Variants in ZNF880 observed in about 807,000 individuals in gnomAD.
ZNF880 encodes the protein zinc finger protein LOC400713.
Under a neutral mutation model 11.8 loss-of-function variants are expected in ZNF880, and 12 were observed. That is an observed-to-expected ratio of 1.02 (90% CI 0.65 to 1.65). The LOEUF is 1.65. ZNF880 is among the 40% of genes most tolerant of loss of function. The probability of loss-of-function intolerance (pLI) is 0.00; values close to 1 mark genes in which losing one functional copy is unlikely to be tolerated. For synonymous variants in ZNF880, 210 were observed against 232.4 expected (o/e 0.90, Z 0.88); for missense variants, 601 against 673.9 (o/e 0.89, Z 1.20).
downstream of ZNF880, among the ~76,000 whole-genome samples, chr19:52,386,897 G>T (rs1403266183): frequency 3.5e-5 from 5 of 143,602 alleles, 2 homozygotes; most frequent in African/African-American, 1.4e-4. Context: ...ATGTTCTTGA[G>T]TAGCATTTAC....
At position 52,385,198 on chromosome 19, in the gene ZNF880, A is replaced by G. The variant is rs1986848379; in HGVS notation, c.1618A>G (p.Arg540Gly). The change falls in exon 4 of 4, where the codon AGA becomes GGA. Residue 540 changes from arginine to glycine, a missense_variant. By Grantham distance (125) the Arg-to-Gly change is moderately radical (BLOSUM62 -2). Around this residue, in one of 3 missense-constraint regions of ZNF880, gnomAD observed 177 missense variants for 214.5 expected, o/e 0.83. Coordinates refer to ENST00000422689, the MANE Select transcript of ZNF880 (RefSeq NM_001145434.2). Reference protein sequence around the residue: ...SHKLYLKKHERIHTGEKPYRC... With the variant: ...SHKLYLKKHEGIHTGEKPYRC... ...CAAGTTATACCTAAAAAAACATGAG[A>G]GAATTCATACTGGGGAGAAACCGTA... The G allele has an allele frequency of 6.4e-7, 1 of 1,552,334 alleles. No individual in the cohort carries two copies.
chr19:52,373,669 A>ATTTTTTTTTTTTTTTTTTTTTTTTTT (rs35788651), intron 2 of ZNF880, among the ~76,000 whole-genome samples: 3 of 102,578 alleles, frequency 2.9e-5, no homozygotes, highest in Non-Finnish European at 5.6e-5. Flanking sequence ...AAATACTGTA[A>ATTTTTTTTTTTTTTTTTTTTTTTTTT]TTTTTTTTTT....
chr19:52,393,089 C>G, the ZNF880 span, among the ~76,000 whole-genome samples: 6 of 127,806 alleles, frequency 4.7e-5, no homozygotes, highest in African/African-American at 1.8e-4. Context: ...TTTTTCTTTT[C>G]TGAGACAGAG....
chr19:52,396,067 G>A, the ZNF880 span, among the ~76,000 whole-genome samples: 1 of 151,256 alleles, frequency 6.6e-6, no homozygotes, highest in Non-Finnish European at 1.5e-5. Flanking sequence ...CAATTCTTGT[G>A]TCTCAGCCTC....
chr19:52,383,459 A>T (rs1459416004), intron 3 of ZNF880, among the ~76,000 whole-genome samples: 2 of 152,196 alleles, frequency 1.3e-5, no homozygotes, highest in East Asian at 3.8e-4. Context: ...TATAAAGGGT[A>T]TAGGAACAGC....
At chr19:52,386,796 C>CT (rs1283512198), downstream of ZNF880, among the ~76,000 whole-genome samples, 2 of 82,300 alleles carry the variant, frequency 2.4e-5, no homozygotes, top group African/African-American at 4.4e-5. Context: ...GAGCAAAACT[C>CT]TGTCTCAAAA....
chr19:52,388,692 A>G (rs1451027993), downstream of ZNF880: 1 of 152,142 alleles, frequency 6.6e-6, no homozygotes, highest in Non-Finnish European at 1.5e-5. Context: ...TGTTTACTAC[A>G]TAAACATTTA....
chr19:52,383,737 C>A, intron 3 of ZNF880, 112 bp from the exon 4 acceptor site: 1 of 1,129,786 alleles, frequency 8.9e-7, no homozygotes, highest in Non-Finnish European at 1.3e-6. Context: ...ACACAGTATG[C>A]TGATATTCCT....
intron 1 of ZNF880, chr19:52,370,482 C>A (rs1417078259): frequency 6.3e-6 from 1 of 158,090 alleles, no homozygotes; most frequent in African/African-American, 2.4e-5. Flanking sequence ...TAATGGCAAA[C>A]CGCGATCACT....
Position 52,384,788 on chromosome 19 carries a change from C to T in ZNF880, c.1208C>T (p.Thr403Met), listed in dbSNP as rs373891575. ...CTAACCAATCATCATAGAATGCACACGGGAGAGCAACCTTACAAATGTAAT... is the reference window on the plus strand; with the variant it reads ...CTAACCAATCATCATAGAATGCACATGGGAGAGCAACCTTACAAATGTAAT... ...FCLTNHHRMH[T>M]GEQPYKCNEC... The change falls in exon 4 of 4, where the codon ACG becomes ATG. Residue 403 changes from threonine (T) to methionine (M), a missense_variant. Coordinates refer to ENST00000422689, the MANE Select transcript of ZNF880 (RefSeq NM_001145434.2). 192 of 1,610,468 alleles carry T rather than the reference C, an allele frequency of 1.2e-4. 1 individual carries two copies. Among genetic ancestry groups the T allele is most frequent in the East Asian group, 1.1e-3 (47 of 44,686 alleles).
upstream of ZNF880, chr19:52,367,448 A>G (rs1417088189): frequency 6.6e-6 from 1 of 152,206 alleles, no homozygotes; most frequent in Non-Finnish European, 1.5e-5. Context: ...TCTTAGTGTG[A>G]ATGAATTACA....
intron 3 of ZNF880, among the ~76,000 whole-genome samples, chr19:52,376,203 A>G (rs922978312): frequency 6.6e-6 from 1 of 152,156 alleles, no homozygotes; most frequent in Non-Finnish European, 1.5e-5. Flanking sequence ...GCTGGATCAA[A>G]TGGTAGATCT....
At chr19:52,369,488 T>C (rs1986283896), upstream of ZNF880, among the ~76,000 whole-genome samples, 1 of 152,078 alleles carries the variant, frequency 6.6e-6, no homozygotes, top group Non-Finnish European at 1.5e-5. Flanking sequence ...AACTAGTGTT[T>C]ATTATTCATT....
upstream of ZNF880, chr19:52,369,886 C>G: frequency 6.5e-7 from 1 of 1,538,442 alleles, no homozygotes; most frequent in Non-Finnish European, 8.8e-7. Context: ...CAATCCCACC[C>G]GGGCCTGGCC....
rs370330395 is a variant in ZNF880 at position 52,383,938 on chromosome 19, C to T, written c.358C>T (p.Gln120Ter). Residue 120 changes from glutamine (Q) to a stop codon, truncating the protein, a stop_gained, in exon 4 of 4, where the codon CAG becomes TAG. Coordinates refer to ENST00000422689, the MANE Select transcript of ZNF880 (RefSeq NM_001145434.2). LOFTEE classifies it low-confidence loss of function (END_TRUNC). Reference protein sequence around the residue: ...LTFQLHLSELQLFQAERNISG... With the variant: ...LTFQLHLSEL ...CTTTCAGTTACATCTGAGTGAACTG[C>T]AGCTATTTCAAGCTGAAAGGAATAT... 375 of 1,558,552 alleles carry T rather than the reference C, an allele frequency of 2.4e-4. 1 individual carries two copies. The African/African-American group carries it at 4.3e-3, about 18-fold the overall frequency.
At chr19:52,372,990 C>G in intron 1 of ZNF880, 121 bp from the exon 2 acceptor site, 1 of 764,198 alleles carries the variant, frequency 1.3e-6, no homozygotes, top group Non-Finnish European at 2.1e-6. Context: ...AAACATATAA[C>G]TAGCTAAAAA....
chr19:52,369,557 T>C (rs1381389845), upstream of ZNF880, among the ~76,000 whole-genome samples: 1 of 152,090 alleles, frequency 6.6e-6, no homozygotes, highest in Non-Finnish European at 1.5e-5. Context: ...ATGTATTTAT[T>C]AGGCGCAAGG....
chr19:52,396,643 T>C, the ZNF880 span: 2 of 152,208 alleles, frequency 1.3e-5, no homozygotes, highest in African/African-American at 4.8e-5. Context: ...TTATCTCCCA[T>C]GCAAGGTGAT....
chr19:52,367,996 T>A (rs1489598413), upstream of ZNF880, among the ~76,000 whole-genome samples: 1 of 151,484 alleles, frequency 6.6e-6, no homozygotes, highest in African/African-American at 2.4e-5. Flanking sequence ...GTCAGGAGAT[T>A]GAGGCCATCC....
Sources: allele counts gnomAD v4.1 joint callset (sites outside exome capture counted in the v4.1 genomes callset), GRCh38; gene constraint gnomAD v4.1.1; regional missense constraint gnomAD v4.1.1; transcripts MANE v1.5; gene names NCBI Gene and HGNC (gene_info 2026-07-23, HGNC 2026-07-21).